Variants in ZNFX1 observed in about 807,000 individuals in gnomAD.
ZNFX1 encodes NFX1-type zinc finger-containing protein 1.
Under a neutral mutation model 179.8 loss-of-function variants are expected in ZNFX1, and 78 were observed. The observed-to-expected ratio is 0.43, with a 90% CI of 0.36 to 0.52. The LOEUF (loss-of-function observed/expected upper bound fraction) is 0.52. Among genes scored for constraint, ZNFX1 ranks in the 20% least tolerant of loss-of-function variants. ZNFX1 has a pLI of 0.00. For missense variants in ZNFX1, 1,927 were observed against 2,386.6 expected (o/e 0.81, Z 4.01); for synonymous variants, 848 against 868.5 (o/e 0.98, Z 0.42).
chr20:49,253,944 T>C lies in ZNFX1; in HGVS notation c.2960-133A>G, dbSNP rs1167633025. 7 of 1,067,794 alleles carry C rather than the reference T, an allele frequency of 6.6e-6. No homozygotes were observed. The Admixed American group carries it at 9.2e-5, about 14-fold the overall frequency. The allele number at this position is 1,067,794 out of a possible 1,614,324, so 66.1% of individuals were successfully genotyped here. Reference sequence around the variant, plus strand: ...GCGACAGCTGGTCCTTATAGTGTTCTGGGTGGTCTCCAGAACATTAAAACT... The same window carrying C: ...GCGACAGCTGGTCCTTATAGTGTTCCGGGTGGTCTCCAGAACATTAAAACT... On this transcript the variant is annotated intron_variant, in intron 10 of 13. Transcript: ENST00000396105.
chr20:49,252,517 A>G (rs1185983321), intron 12 of ZNFX1, among the ~76,000 whole-genome samples: 1 of 152,202 alleles, frequency 6.6e-6, no homozygotes, highest in African/African-American at 2.4e-5. Context: ...ATAAGGAGAA[A>G]GCATAACATA....
Position 49,266,165 on chromosome 20 carries a change from T to C in ZNFX1, c.1972A>G (p.Thr658Ala). 1 of 1,613,278 alleles carries C rather than the reference T, an allele frequency of 6.2e-7. No homozygotes were observed. The highest frequency in any genetic ancestry group is 8.5e-7 in the Non-Finnish European group (1 of 1,179,752). The change falls in exon 4 of 14, where the codon ACT becomes GCT. Residue 658 changes from threonine to alanine, a missense_variant. By Grantham distance (58) the Thr-to-Ala change is moderately conservative. Coordinates refer to ENST00000396105, the MANE Select transcript of ZNFX1 (RefSeq NM_021035.3). ...QKFPILVVCY[T>A]NHALDQFLEG... ...AGAAACTGGTCCAAAGCATGATTAG[T>C]ATAACACACAACCAAGATGGGGAAC... is the stretch of plus-strand genomic sequence containing the variant.
At chr20:49,273,922 C>G (rs528521519) in intron 2 of ZNFX1, among the ~76,000 whole-genome samples, 7 of 152,164 alleles carry the variant, frequency 4.6e-5, no homozygotes, top group Admixed American at 6.5e-5. Flanking sequence ...AGAGCAAGAC[C>G]CTGTCTCAAA....
Position 49,249,603 on chromosome 20 carries a change from A to G in ZNFX1, c.3421T>C (p.Cys1141Arg), listed in dbSNP as rs1431919289. ...QHEAHFVVEL[C>R]KYFLCQEYLP... ...TATTCCTGGCACAGGAAGTACTTGC[A>G]CAGCTCTACCACAAAGTGAGCCTCA... The change falls in exon 14 of 14, where the codon TGC becomes CGC. Residue 1141 changes from cysteine to arginine, a missense_variant. Physicochemically the swap from Cys to Arg is radical, Grantham distance 180. Coordinates refer to ENST00000396105, the MANE Select transcript of ZNFX1 (RefSeq NM_021035.3). 6.2e-7 allele frequency: 1 copy of G among 1,614,144 alleles called. No individual in the cohort carries two copies.
Position 49,270,102 on chromosome 20 carries a change from A to G in ZNFX1, c.1710T>C (p.Phe570=). 2 of 1,614,222 alleles carry G rather than the reference A, an allele frequency of 1.2e-6. No individual in the cohort carries two copies. ...LIENPSATGE[F]LRNVEGLRHP... is the part of the protein sequence containing the mutation. ...GTCTCAAACCCTCGACATTTCTTAG[A>G]AATTCCCCAGTGGCTGAAGGATTCT... Residue 570 remains phenylalanine (F), a synonymous_variant, in exon 3 of 14, where the codon TTT becomes TTC. Coordinates refer to ENST00000396105, the MANE Select transcript of ZNFX1 (RefSeq NM_021035.3). This position sits in a 1 kb window ranked among gnomAD's most constrained non-coding sequence, Gnocchi z 4.6.
intron 4 of ZNFX1, 79 bp downstream of exon 4, chr20:49,266,056 G>T: frequency 6.6e-7 from 1 of 1,508,678 alleles, no homozygotes; most frequent in Non-Finnish European, 9.1e-7. Context: ...TGTTTGAAGA[G>T]CAATAGAAAG....
intron 1 of ZNFX1, 72 bp from the exon 2 acceptor site, chr20:49,275,959 A>AGAAGGACTGGCTTGAT: frequency 1.1e-6 from 1 of 901,898 alleles, no homozygotes; most frequent in Non-Finnish European, 1.8e-6. Context: ...CCATCAAGCC[A>AGAAGGACTGGCTTGAT]GTCCTTCTGC....
Position 49,271,361 on chromosome 20 carries a change from T to G in ZNFX1, c.451A>C (p.Ser151Arg), listed in dbSNP as rs1191569835. The G allele has an allele frequency of 1.2e-6, 2 of 1,614,084 alleles. No homozygotes were observed. The highest frequency in any genetic ancestry group is 2.2e-5 in the South Asian group (2 of 91,084). ...TCAGAAGGGTCTTTCTGCAGAAGAC[T>G]TTCTAAGAACTTGTAGCCCAGTTTC... ...AKKLGYKFLE[S>R]LLQKDPSEVV... The change falls in exon 3 of 14, where the codon AGT becomes CGT. Residue 151 changes from serine to arginine, a missense_variant. Ser to Arg is a moderately radical substitution (Grantham distance 110, BLOSUM62 -1). Coordinates refer to ENST00000396105, the MANE Select transcript of ZNFX1 (RefSeq NM_021035.3).
chr20:49,270,542 A>C lies in ZNFX1; in HGVS notation c.1270T>G (p.Ser424Ala). 1 of 1,614,246 alleles carries C rather than the reference A, an allele frequency of 6.2e-7. No homozygotes were observed. The highest frequency in any genetic ancestry group is 8.5e-7 in the Non-Finnish European group (1 of 1,180,036). ...AACTGCACCTTGTAGACTATGCCTGATGATGAACACATGGGGGTGATAATC... is the reference window on the plus strand; with the variant it reads ...AACTGCACCTTGTAGACTATGCCTGCTGATGAACACATGGGGGTGATAATC... ...TRIITPMCSS[S>A]GIVYKVQFDT... The change falls in exon 3 of 14, where the codon TCA (serine) becomes GCA (alanine). Residue 424 changes from serine (S) to alanine (A), a missense_variant. Ser to Ala is a moderately conservative substitution (Grantham distance 99, BLOSUM62 1). Transcript: ENST00000396105. The surrounding 1 kb of genome is among the most constrained non-coding windows in gnomAD (Gnocchi z 4.6).
At position 49,252,899 on chromosome 20, in the gene ZNFX1, TCCAA is replaced by T. The variant is rs1033909380; in HGVS notation, c.3106-73_3106-70del. Reference sequence around the variant, plus strand: ...ATTTAACCATCCATACTTCCATCCATCCAACCAACCATCAAATGTTTTTCAAGTG... The same window carrying T: ...ATTTAACCATCCATACTTCCATCCATCCAACCATCAAATGTTTTTCAAGTG... On this transcript the variant is annotated intron_variant, in intron 11 of 13. Coordinates refer to ENST00000396105, the MANE Select transcript of ZNFX1 (RefSeq NM_021035.3). 6 of 1,202,904 alleles carry T rather than the reference TCCAA, an allele frequency of 5.0e-6. No individual in the cohort carries two copies. The Admixed American group carries it at 6.9e-5, about 14-fold the overall frequency. 74.5% of individuals were successfully genotyped at this position (1,202,904 alleles called of 1,614,324 possible).
chr20:49,269,649 C>A (rs576266643), intron 3 of ZNFX1, among the ~76,000 whole-genome samples: 1 of 152,254 alleles, frequency 6.6e-6, no homozygotes, highest in African/African-American at 2.4e-5. Context: ...CCACTGCACT[C>A]CAGCCTGGGT....
intron 1 of ZNFX1, among the ~76,000 whole-genome samples, chr20:49,277,709 G>A (rs1981617992): frequency 6.6e-6 from 1 of 151,440 alleles, no homozygotes; most frequent in East Asian, 2.0e-4. Context: ...AGTGGGTGAC[G>A]GGGCGCTGAG....
In ZNFX1 at chr20:49,275,146, A is replaced by C. The variant is rs539722675; in HGVS notation, c.61+633T>G. Among the ~76,000 whole-genome samples, 4 of 152,248 alleles carry C rather than the reference A, an allele frequency of 2.6e-5. No individual in the cohort carries two copies. The East Asian group carries it at 7.7e-4, about 29-fold the overall frequency. On this transcript the variant is annotated intron_variant, in intron 2 of 13. Coordinates refer to ENST00000396105, the MANE Select transcript of ZNFX1 (RefSeq NM_021035.3). ...TCAAAAAAAAAAAATAAAATAAAAA[A>C]TAAAAACTTATGCTCTTGGCTTACA...
chr20:49,267,253 A>C (rs929806778), intron 3 of ZNFX1, among the ~76,000 whole-genome samples: 1 of 152,170 alleles, frequency 6.6e-6, no homozygotes, highest in Non-Finnish European at 1.5e-5. Context: ...CAAAAATCTC[A>C]AAGTTGAGGG....
rs7689 is a variant in ZNFX1 at position 49,245,913 on chromosome 20, T to C, written c.*1354A>G. Reference sequence around the variant, plus strand: ...GTGGACCACTGATTTTCTCAATCATTGTTTTTAATTGGCTTTATAAGCTAA... The same window carrying C: ...GTGGACCACTGATTTTCTCAATCATCGTTTTTAATTGGCTTTATAAGCTAA... On this transcript the variant is annotated 3_prime_UTR_variant, in exon 14 of 14. Coordinates refer to ENST00000396105, the MANE Select transcript of ZNFX1 (RefSeq NM_021035.3). The C allele has an allele frequency of 0.84, 128,358 of 152,642 alleles. 54,425 individuals carry two copies. The highest frequency in any genetic ancestry group is 0.93 in the African/African-American group (38,546 of 41,536). 9.5% of individuals were successfully genotyped at this position (152,642 alleles called of 1,614,324 possible).
intron 6 of ZNFX1, among the ~76,000 whole-genome samples, chr20:49,261,889 G>A (rs983459292): frequency 6.6e-6 from 1 of 151,228 alleles, no homozygotes. Flanking sequence ...CTCGTGATCC[G>A]CCTGCCTCGG....
chr20:49,266,711 C>T (rs912915659), intron 3 of ZNFX1, among the ~76,000 whole-genome samples: 3 of 117,154 alleles, frequency 2.6e-5, no homozygotes, highest in East Asian at 2.9e-4. Context: ...ATTTTTTAGC[C>T]AGTTTTCTAT....
chr20:49,253,950 G>T, intron 10 of ZNFX1, 139 bp from the exon 11 acceptor site: 1 of 987,590 alleles, frequency 1.0e-6, no homozygotes, highest in Non-Finnish European at 1.5e-6. Context: ...GTTCTGGGTG[G>T]TCTCCAGAAC....
rs751592379 is a variant in ZNFX1 at position 49,260,430 on chromosome 20, A to C, written c.2416+33T>G. The C allele has an allele frequency of 2.0e-6, 3 of 1,472,644 alleles. No individual in the cohort carries two copies. The East Asian group carries it at 6.8e-5, about 33-fold the overall frequency. 91.2% of individuals were successfully genotyped at this position (1,472,644 alleles called of 1,614,324 possible). Reference sequence around the variant, plus strand: ...CTGGTATTTACTATATTCTACGTTAAGATTTGATTCTAGGAAGACATGCAC... The same window carrying C: ...CTGGTATTTACTATATTCTACGTTACGATTTGATTCTAGGAAGACATGCAC... On this transcript the variant is annotated intron_variant, in intron 7 of 13. Transcript: ENST00000396105.
Sources: gnomAD v4.1 joint callset for allele counts (sites outside exome capture counted in the v4.1 genomes callset) on GRCh38, gnomAD v4.1.1 for gene constraint, Gnocchi (gnomAD v3.1) non-coding constraint, MANE v1.5 for transcripts, NCBI Gene and HGNC (gene_info 2026-07-23, HGNC 2026-07-21) for gene names.